The following VWA8 variants were observed in gnomAD, a reference collection of about 807,000 sequenced individuals.
VWA8 encodes the protein von Willebrand factor A domain containing 8.
VWA8 carries 221 observed loss-of-function variants against 241.5 expected under a neutral mutation model. That is an observed-to-expected ratio of 0.91 (90% confidence interval 0.82 to 1.02). VWA8 has a LOEUF of 1.02. Ranked by LOEUF, VWA8 falls within the 50% of genes least tolerant of loss-of-function variation. The pLI is 0.00. For missense variants in VWA8, 2,322 were observed against 2,328.7 expected, an observed-to-expected ratio of 1.00 and a Z score of 0.06; for synonymous variants, 852 against 827.1, an observed-to-expected ratio of 1.03 and a Z score of -0.52.
intron 37 of VWA8, among the ~76,000 whole-genome samples, chr13:41,623,485 G>C (rs143432834): frequency 1.3e-5 from 2 of 152,170 alleles, no homozygotes; most frequent in African/African-American, 4.8e-5. Flanking sequence ...GGATGAATGA[G>C]AGGCAGCAGG....
intron 12 of VWA8, among the ~76,000 whole-genome samples, chr13:41,864,141 T>TAAAAAA (rs1173896404): frequency 1.7e-5 from 2 of 114,306 alleles, no homozygotes; most frequent in African/African-American, 3.7e-5. Flanking sequence ...ATGATGATTA[T>TAAAAAA]AAAAAAAAAA....
intron 2 of VWA8, among the ~76,000 whole-genome samples, chr13:41,934,126 A>C (rs1877245880): frequency 6.6e-6 from 1 of 151,376 alleles, no homozygotes; most frequent in African/African-American, 2.4e-5. Flanking sequence ...CAAAAAAAAA[A>C]AAACCACAAA....
In VWA8 at chr13:41,699,140, C is replaced by T. The variant is rs766348152; in HGVS notation, c.3495G>A (p.Trp1165Ter). 6 of 1,614,082 alleles carry T rather than the reference C, an allele frequency of 3.7e-6. No homozygotes were observed. Among genetic ancestry groups the T allele is most frequent in the Non-Finnish European group, 5.1e-6 (6 of 1,179,980 alleles). Reference sequence around the variant, plus strand: ...GCGGTGCCACTGTCACAAAAGGGTGCCAAACGCCATTGGCTGTTCTTGGGA... The same window carrying T: ...GCGGTGCCACTGTCACAAAAGGGTGTCAAACGCCATTGGCTGTTCTTGGGA... ...DIFPRTANGV[W>*]HPFVTVAPLG... The change falls in exon 29 of 45, where the codon TGG becomes TGA. Residue 1165 changes from tryptophan to a stop codon, truncating the protein, a stop_gained. Transcript: ENST00000379310. LOFTEE classifies it high-confidence loss of function.
chr13:41,907,203 C>T (rs2002348), intron 4 of VWA8, among the ~76,000 whole-genome samples: 1 of 152,028 alleles, frequency 6.6e-6, no homozygotes, highest in African/African-American at 2.4e-5. Context: ...ACCTTTAATA[C>T]CCCTTTACCC....
chr13:41,578,803 T>C (rs2044365576), intron 42 of VWA8, among the ~76,000 whole-genome samples: 1 of 152,234 alleles, frequency 6.6e-6, no homozygotes, highest in Admixed American at 6.5e-5. Flanking sequence ...GAAAACCCTG[T>C]GCAGTCTCAC....
chr13:41,586,585 G>A (rs1486934853), intron 42 of VWA8, among the ~76,000 whole-genome samples: 1 of 152,128 alleles, frequency 6.6e-6, no homozygotes, highest in Admixed American at 6.5e-5. Flanking sequence ...CTTAATAATA[G>A]GCCTAAAGTA....
chr13:41,591,050 G>T (rs1030652303), intron 40 of VWA8, among the ~76,000 whole-genome samples: 6 of 152,140 alleles, frequency 3.9e-5, no homozygotes. Context: ...TAATGGGGGC[G>T]CATTTCTTAC....
rs779670354 is a variant in VWA8 at position 41,568,372 on chromosome 13, G to A, written c.5610-67C>T. 12 of 1,252,494 alleles carry A rather than the reference G, an allele frequency of 9.6e-6. No individual in the cohort carries two copies. In the South Asian group the frequency reaches 1.5e-4, roughly 15 times the overall value. 77.6% of individuals were successfully genotyped at this position (1,252,494 alleles called of 1,614,324 possible). ...GGGCTCCCTTCCACCTCCTGCCCTG[G>A]CAAACCACAGCCCCCTAATGGTTTC... On this transcript the variant is annotated intron_variant, in intron 44 of 44. Transcript: ENST00000379310.
At position 41,865,997 on chromosome 13, in the gene VWA8, A is replaced by T. The variant is rs1351255280; in HGVS notation, c.1252T>A (p.Ser418Thr). 7 of 1,614,204 alleles carry T rather than the reference A, an allele frequency of 4.3e-6. No homozygotes were observed. The South Asian group carries it at 7.7e-5, about 18-fold the overall frequency. Residue 418 changes from serine (S) to threonine (T), a missense_variant, in exon 11 of 45, where the codon TCA becomes ACA. Physicochemically the swap from Ser to Thr is moderately conservative, Grantham distance 58 (BLOSUM62 1). Transcript: ENST00000379310. The stretch of plus-strand genomic sequence containing the variant: ...CTCAAAGTCTGTATGAAACGGTCTG[A>T]CGCACAAGGTTGACTTAATAGCCTG... ...GTRLLSQPCASDRFIQTLSHK... is the reference protein window; with the variant it reads ...GTRLLSQPCATDRFIQTLSHK...
chr13:41,715,486 A>G (rs1467896608), intron 26 of VWA8, among the ~76,000 whole-genome samples: 1 of 151,946 alleles, frequency 6.6e-6, no homozygotes, highest in Non-Finnish European at 1.5e-5. Context: ...AGTATAGCAG[A>G]TTTCATAAAT....
At chr13:41,878,233 T>G (rs909202993) in intron 9 of VWA8, among the ~76,000 whole-genome samples, 1 of 152,048 alleles carries the variant, frequency 6.6e-6, no homozygotes, top group African/African-American at 2.4e-5. Flanking sequence ...TTTTTCCAAA[T>G]TCAACAATAT....
Position 41,727,286 on chromosome 13 carries a change from T to C in VWA8, c.2666A>G (p.Asn889Ser). 1 of 1,557,488 alleles carries C rather than the reference T, an allele frequency of 6.4e-7. No homozygotes were observed. Among genetic ancestry groups the C allele is most frequent in the African/African-American group, 1.4e-5 (1 of 73,414 alleles). The change falls in exon 24 of 45, where the codon AAT (asparagine) becomes AGT (serine). Residue 889 changes from asparagine (N) to serine (S), a missense_variant. Transcript: ENST00000379310. Reference protein sequence around the residue: ...ANSANVNGRENVVVIHPDFRM... With the variant: ...ANSANVNGRESVVVIHPDFRM... ...AAAATCAGGATGAATCACTACAACA[T>C]TTTCTCTTCCATTCACATTAGCAGA... is the stretch of plus-strand genomic sequence containing the variant.
chr13:41,766,335 GAAAT>G (rs1318780111), intron 20 of VWA8, among the ~76,000 whole-genome samples: 2 of 152,130 alleles, frequency 1.3e-5, no homozygotes, highest in Non-Finnish European at 2.9e-5. Context: ...GAGAAAGAAA[GAAAT>G]AGAGTAGGAG....
In VWA8 at chr13:41,887,188, C is replaced by G. The variant is rs943079148; in HGVS notation, c.816+9G>C. The G allele has an allele frequency of 6.2e-7, 1 of 1,603,996 alleles. No individual in the cohort carries two copies. The highest frequency in any genetic ancestry group is 8.5e-7 in the Non-Finnish European group (1 of 1,177,624). ...GTTTAACAAATAAATTATCCTTGGT[C>G]TTACTTACCTTGAAGGGTAAATAAT... On this transcript the variant is annotated intron_variant, in intron 6 of 44. Coordinates refer to ENST00000379310, the MANE Select transcript of VWA8 (RefSeq NM_015058.2).
intron 13 of VWA8, among the ~76,000 whole-genome samples, chr13:41,832,098 T>C (rs1235687761): frequency 6.6e-6 from 1 of 152,012 alleles, no homozygotes; most frequent in Non-Finnish European, 1.5e-5. Flanking sequence ...TCCCAGTCCA[T>C]TTTTGTATTT....
chr13:41,844,745 A>G (rs1415930774), intron 12 of VWA8, among the ~76,000 whole-genome samples: 1 of 152,054 alleles, frequency 6.6e-6, no homozygotes, highest in East Asian at 1.9e-4. Context: ...GTATACACCA[A>G]TACATTCAAG....
At chr13:41,576,068 CAG>C (rs2044348877) in intron 42 of VWA8, among the ~76,000 whole-genome samples, 1 of 152,188 alleles carries the variant, frequency 6.6e-6, no homozygotes, top group African/African-American at 2.4e-5. Context: ...AACCTTTTCA[CAG>C]AGTCTGGAAA....
rs146526105 is a variant in VWA8 at position 41,688,900 on chromosome 13, C to T, written c.4131+454G>A. ...ATGCTTATTATCTGGATGACCAAACCATCTGTACAACAAACTCCTGTGACA... is the reference window on the plus strand; with the variant it reads ...ATGCTTATTATCTGGATGACCAAACTATCTGTACAACAAACTCCTGTGACA... On this transcript the variant is annotated intron_variant, in intron 34 of 44. Coordinates refer to ENST00000379310, the MANE Select transcript of VWA8 (RefSeq NM_015058.2). Among the ~76,000 whole-genome samples the T allele has an allele frequency of 4.0e-3, 605 of 152,126 alleles. 4 individuals are homozygous for T. The highest frequency in any genetic ancestry group is 0.017 in the Middle Eastern group (5 of 294).
intron 2 of VWA8, among the ~76,000 whole-genome samples, chr13:41,941,347 A>C (rs1176545209): frequency 6.6e-6 from 1 of 152,220 alleles, no homozygotes; most frequent in African/African-American, 2.4e-5. Context: ...TTAGAAGCTA[A>C]AAGAAGGAAT....
Sources: gnomAD v4.1 joint callset for allele counts (sites outside exome capture counted in the v4.1 genomes callset) on GRCh38, gnomAD v4.1.1 for gene constraint, MANE v1.5 for transcripts, NCBI Gene and HGNC (gene_info 2026-07-23, HGNC 2026-07-21) for gene names.